ZNF141: variants seen among roughly 807,000 people sequenced by gnomAD.
ZNF141 encodes the protein zinc finger protein 141 (clone pHZ-44).
In ZNF141, 7 loss-of-function variants were observed where a neutral mutation model predicts 11.3. That is an observed-to-expected ratio of 0.62 (90% CI 0.35 to 1.16). The LOEUF is 1.16. Ranked by LOEUF, ZNF141 falls within the 50% of genes most tolerant of loss-of-function variation. ZNF141 has a pLI of 0.02. For missense variants in ZNF141, 535 were observed against 554.0 expected, an observed-to-expected ratio of 0.97 and a Z score of 0.34; for synonymous variants, 183 against 190.7, an observed-to-expected ratio of 0.96 and a Z score of 0.33.
At chr4:369,764 A>ATGTTTTTTTTTTTT in intron 3 of ZNF141, among the ~76,000 whole-genome samples, 2 of 48,722 alleles carry the variant, frequency 4.1e-5, no homozygotes, top group Admixed American at 2.9e-4. Context: ...ATATATATAT[A>ATGTTTTTTTTTTTT]TTTTTTTTTT....
intron 3 of ZNF141, among the ~76,000 whole-genome samples, chr4:352,264 G>A (rs142911947): frequency 0.026 from 3,978 of 152,274 alleles, 168 homozygotes; most frequent in African/African-American, 0.091. Context: ...GTGGGCACCT[G>A]TAGTCCCAGC....
chr4:354,946 G>A (rs1721775159), intron 3 of ZNF141, among the ~76,000 whole-genome samples: 1 of 151,930 alleles, frequency 6.6e-6, no homozygotes, highest in Admixed American at 6.6e-5. Flanking sequence ...TATTTTTGTT[G>A]TGGGCCAGAT....
intron 3 of ZNF141, among the ~76,000 whole-genome samples, chr4:353,815 C>G (rs1258233863): frequency 2.0e-5 from 3 of 152,134 alleles, no homozygotes; most frequent in African/African-American, 7.2e-5. Flanking sequence ...TAATGTGATT[C>G]TACGTCTCCT....
intron 3 of ZNF141, 92 bp downstream of exon 3, chr4:344,522 G>A (rs75382858): frequency 2.7e-6 from 3 of 1,092,650 alleles, no homozygotes; most frequent in East Asian, 2.8e-5. Flanking sequence ...GGGGCCGGGT[G>A]CAGTGGCTCA....
intron 3 of ZNF141, among the ~76,000 whole-genome samples, chr4:370,977 C>G (rs1712028305): frequency 6.6e-6 from 1 of 151,984 alleles, no homozygotes; most frequent in Non-Finnish European, 1.5e-5. Flanking sequence ...CCTGATCCAC[C>G]AGCCTCGGCC....
chr4:343,343 C>T (rs373788688), intron 1 of ZNF141, among the ~76,000 whole-genome samples: 2 of 152,166 alleles, frequency 1.3e-5, no homozygotes, highest in African/African-American at 2.4e-5. Context: ...AATATTACTG[C>T]GTTGAAAGTT....
chr4:343,871 T>A lies in ZNF141; in HGVS notation c.93T>A (p.Asp31Glu). 1 of 1,609,976 alleles carries A rather than the reference T, an allele frequency of 6.2e-7. No homozygotes were observed. The highest frequency in any genetic ancestry group is 1.1e-5 in the South Asian group (1 of 89,934). Residue 31 changes from aspartate to glutamate, a missense_variant, in exon 2 of 4, where the codon GAT becomes GAA. Coordinates refer to ENST00000240499, the MANE Select transcript of ZNF141 (RefSeq NM_003441.4). ...CTGACCAGCAGAATTTGTATAGAGATGTGATGTTGGAGAACTACAGGAACC... is the reference window on the plus strand; with the variant it reads ...CTGACCAGCAGAATTTGTATAGAGAAGTGATGTTGGAGAACTACAGGAACC... ...LDPDQQNLYRDVMLENYRNLV... is the reference protein window; with the variant it reads ...LDPDQQNLYREVMLENYRNLV...
chr4:363,069 A>C (rs1192850154), intron 3 of ZNF141, among the ~76,000 whole-genome samples: 5 of 152,140 alleles, frequency 3.3e-5, no homozygotes, highest in Non-Finnish European at 7.3e-5. Context: ...AGTGGTTTGT[A>C]GTTCTCCTTG....
At chr4:362,132 T>TGATGA (rs1323509486) in intron 3 of ZNF141, among the ~76,000 whole-genome samples, 5 of 152,258 alleles carry the variant, frequency 3.3e-5, no homozygotes, top group Admixed American at 6.5e-5. Context: ...TGGCCAGTGA[T>TGATGA]GATGAGCATT....
At chr4:366,857 A>C (rs1711768100) in intron 3 of ZNF141, among the ~76,000 whole-genome samples, 1 of 151,962 alleles carries the variant, frequency 6.6e-6, no homozygotes, top group South Asian at 2.1e-4. Context: ...TAGGAGAGAC[A>C]GTGTTTCGCC....
rs1712537926 is a variant in ZNF141, at chr4:379,914, G to C, written c.*6052G>C. ...ACACATAATTACTTTTGGGATAAGA[G>C]CTCATAACATTGACTGTGTTAGCAT... On this transcript the variant is annotated 3_prime_UTR_variant, in exon 4 of 4. Coordinates refer to ENST00000240499, the MANE Select transcript of ZNF141 (RefSeq NM_003441.4). 6.6e-6 allele frequency among the ~76,000 whole-genome samples: 1 copy of C among 152,194 alleles called. No individual in the cohort carries two copies. The highest frequency in any genetic ancestry group is 1.5e-5 in the Non-Finnish European group (1 of 68,036).
At position 372,801 on chromosome 4, in the gene ZNF141, G is replaced by A. The variant is rs781902134; in HGVS notation, c.364G>A (p.Glu122Lys). ...QLRKGCKSLN[E>K]CKLQKGGYNE... ...AAGAAAAGGCTGTAAAAGTTTGAAT[G>A]AGTGTAAGTTGCAGAAAGGAGGTTA... The change falls in exon 4 of 4, where the codon GAG (glutamate) becomes AAG (lysine). Residue 122 changes from glutamate (E) to lysine (K), a missense_variant. Glu to Lys is a moderately conservative substitution (Grantham distance 56). Transcript: ENST00000240499. The A allele has an allele frequency of 1.2e-6, 2 of 1,613,784 alleles. No homozygotes were observed. Among genetic ancestry groups the A allele is most frequent in the Non-Finnish European group, 1.7e-6 (2 of 1,179,912 alleles).
rs116277007 is a variant in ZNF141, at chr4:376,421, T to C, written c.*2559T>C. Reference sequence around the variant, plus strand: ...TAATATACCAGAGTAAATGAGTTATTCATCACCTCAAGCATTCATCCTTTG... The same window carrying C: ...TAATATACCAGAGTAAATGAGTTATCCATCACCTCAAGCATTCATCCTTTG... On this transcript the variant is annotated 3_prime_UTR_variant, in exon 4 of 4. Coordinates refer to ENST00000240499, the MANE Select transcript of ZNF141 (RefSeq NM_003441.4). Among the ~76,000 whole-genome samples the C allele has an allele frequency of 3.7e-3, 569 of 152,202 alleles. 2 individuals are homozygous for C. Among genetic ancestry groups the C allele is most frequent in the Admixed American group, 6.9e-3 (106 of 15,294 alleles).
chr4:383,976 C>G lies in ZNF141; in HGVS notation c.*10114C>G, dbSNP rs1158381610. 2 of 152,276 alleles carry G rather than the reference C, an allele frequency of 1.3e-5. No homozygotes were observed. The highest frequency in any genetic ancestry group is 4.8e-5 in the African/African-American group (2 of 41,450). 9.4% of individuals were successfully genotyped at this position (152,276 alleles called of 1,614,324 possible). ...AATAAAATCTTGCTTTTGCTATTCC[C>G]TTCCTGTTTTTCATTCCTTTGTGTG... On this transcript the variant is annotated 3_prime_UTR_variant, in exon 4 of 4. Transcript: ENST00000240499.
At position 376,536 on chromosome 4, in the gene ZNF141, A is replaced by AT. The variant is rs1309786854; in HGVS notation, c.*2677dup. Reference sequence around the variant, plus strand: ...ATATCAGTATAATTATAATTCATACATTTATGCATCCTGAATACTTCTAAA... The same window carrying AT: ...ATATCAGTATAATTATAATTCATACATTTTATGCATCCTGAATACTTCTAAA... On this transcript the variant is annotated 3_prime_UTR_variant, in exon 4 of 4. Coordinates refer to ENST00000240499, the MANE Select transcript of ZNF141 (RefSeq NM_003441.4). Among the ~76,000 whole-genome samples, 8 of 152,214 alleles carry AT rather than the reference A, an allele frequency of 5.3e-5. No individual in the cohort carries two copies. Among genetic ancestry groups the AT allele is most frequent in the African/African-American group, 1.4e-4 (6 of 41,576 alleles).
chr4:369,287 A>G (rs1443471446), intron 3 of ZNF141, among the ~76,000 whole-genome samples: 15 of 152,136 alleles, frequency 9.9e-5, no homozygotes, highest in Non-Finnish European at 1.2e-4. Flanking sequence ...GCTTTTAGTT[A>G]AAGTATATTT....
chr4:369,013 ATTCC>A (rs1711889899), intron 3 of ZNF141, among the ~76,000 whole-genome samples: 1 of 152,180 alleles, frequency 6.6e-6, no homozygotes, highest in African/African-American at 2.4e-5. Context: ...CAAGTCTTCT[ATTCC>A]TTTATGAATA....
chr4:357,941 G>A lies in ZNF141; in HGVS notation c.226+13511G>A, dbSNP rs575949251. ...TCGCCATGTTGGCCAGGATGGTCTC[G>A]ATTTCCTGACTTCGTGATTCGCCCG... On this transcript the variant is annotated intron_variant, in intron 3 of 3. Coordinates refer to ENST00000240499, the MANE Select transcript of ZNF141 (RefSeq NM_003441.4). Among the ~76,000 whole-genome samples, 5 of 151,756 alleles carry A rather than the reference G, an allele frequency of 3.3e-5. No individual in the cohort carries two copies. In the South Asian group the frequency reaches 8.3e-4, roughly 25 times the overall value.
intron 1 of ZNF141, among the ~76,000 whole-genome samples, chr4:341,225 G>A (rs988402903): frequency 1.3e-5 from 2 of 151,750 alleles, no homozygotes; most frequent in African/African-American, 4.8e-5. Context: ...CATGCCCGGC[G>A]GATTTTTTAT....
Sources: gnomAD v4.1 joint callset for allele counts (sites outside exome capture counted in the v4.1 genomes callset) on GRCh38, gnomAD v4.1.1 for gene constraint, MANE v1.5 for transcripts, NCBI Gene and HGNC (gene_info 2026-07-23, HGNC 2026-07-21) for gene names.